RYR3: variants seen among roughly 807,000 people sequenced by gnomAD.
The protein encoded by RYR3 is ryanodine receptor 3.
In RYR3, 207 loss-of-function variants were observed where a neutral mutation model predicts 584.3. That is an observed-to-expected ratio of 0.35 (90% CI 0.32 to 0.40). The LOEUF (loss-of-function observed/expected upper bound fraction) is 0.40. Ranked by LOEUF, RYR3 falls within the 10% of genes least tolerant of loss-of-function variation. The pLI, the probability that RYR3 is intolerant of heterozygous loss-of-function variation, is 1.00. For synonymous variants in RYR3, 2,416 were observed against 2,248.5 expected (o/e 1.07, Z -2.11); for missense variants, 5,616 against 6,089.2 (o/e 0.92, Z 2.59).
chr15:33,710,191 T>TA (rs1181300092), intron 43 of RYR3, among the ~76,000 whole-genome samples: 1 of 152,156 alleles, frequency 6.6e-6, no homozygotes, highest in African/African-American at 2.4e-5. Context: ...GCAGGCTTTA[T>TA]AGGAAGCATG....
intron 75 of RYR3, 76 bp downstream of exon 75, chr15:33,817,034 C>T: frequency 1.2e-6 from 1 of 853,228 alleles, no homozygotes; most frequent in Non-Finnish European, 1.9e-6. Context: ...GTGGTTGTAA[C>T]AGTTAAACAT....
At chr15:33,377,322 A>T (rs949792065) in intron 1 of RYR3, among the ~76,000 whole-genome samples, 1 of 152,186 alleles carries the variant, frequency 6.6e-6, no homozygotes, top group Non-Finnish European at 1.5e-5. Flanking sequence ...GGCTGCTTCC[A>T]TCTGATATCT....
At position 33,577,242 on chromosome 15, in the gene RYR3, T is replaced by C. The variant is rs528971551; in HGVS notation, c.1269-2734T>C. Among the ~76,000 whole-genome samples the C allele has an allele frequency of 1.5e-4, 23 of 152,318 alleles. No individual in the cohort carries two copies. The South Asian group carries it at 4.8e-3, about 32-fold the overall frequency. On this transcript the variant is annotated intron_variant, in intron 12 of 103. Transcript: ENST00000634891. The stretch of plus-strand genomic sequence containing the variant: ...TATTCCCATTAAACTACCATTGACA[T>C]TCTTCACAGAATTAGAAAAAACTAC...
intron 20 of RYR3, among the ~76,000 whole-genome samples, chr15:33,624,981 G>C (rs574599342): frequency 6.6e-6 from 1 of 152,168 alleles, no homozygotes; most frequent in African/African-American, 2.4e-5. Flanking sequence ...TACCTCCTGT[G>C]GCTAATGACT....
chr15:33,564,993 G>A (rs575996925), intron 11 of RYR3, among the ~76,000 whole-genome samples: 1 of 152,192 alleles, frequency 6.6e-6, no homozygotes, highest in African/African-American at 2.4e-5. Context: ...AACCAATCGA[G>A]CACAAACAGA....
chr15:33,642,209 T>C (rs1382169604), intron 27 of RYR3, among the ~76,000 whole-genome samples: 1 of 152,206 alleles, frequency 6.6e-6, no homozygotes, highest in Non-Finnish European at 1.5e-5. Flanking sequence ...TTTTATGTCC[T>C]GAGGTCAAAT....
At chr15:33,552,059 T>A (rs1387691444) in intron 10 of RYR3, among the ~76,000 whole-genome samples, 1 of 152,214 alleles carries the variant, frequency 6.6e-6, no homozygotes, top group East Asian at 1.9e-4. Context: ...CCTTTCTCCT[T>A]GACCCACTCG....
chr15:33,336,484 GAGAAAGAA>G (rs1208071964), intron 1 of RYR3, among the ~76,000 whole-genome samples: 1 of 22,376 alleles, frequency 4.5e-5, no homozygotes, highest in Admixed American at 4.7e-4. Flanking sequence ...GAGAGAGAGA[GAGAAAGAA>G]AGAAAGAAAG....
chr15:33,583,361 A>C (rs1328350424), intron 14 of RYR3, among the ~76,000 whole-genome samples: 1 of 152,214 alleles, frequency 6.6e-6, no homozygotes, highest in East Asian at 1.9e-4. Flanking sequence ...AGATTAATAA[A>C]TCTGTAGCTA....
At chr15:33,393,210 A>G (rs1233813006) in intron 1 of RYR3, among the ~76,000 whole-genome samples, 3 of 152,248 alleles carry the variant, frequency 2.0e-5, no homozygotes, top group East Asian at 1.9e-4. Flanking sequence ...TAGAATCTAT[A>G]TAACAGCTGA....
At chr15:33,766,860 G>C (rs1189361650) in intron 60 of RYR3, among the ~76,000 whole-genome samples, 1 of 152,186 alleles carries the variant, frequency 6.6e-6, no homozygotes, top group African/African-American at 2.4e-5. Context: ...CTGAGATGGA[G>C]GAGAGGCACT....
chr15:33,532,459 G>A (rs117849022), intron 4 of RYR3, among the ~76,000 whole-genome samples: 1 of 152,098 alleles, frequency 6.6e-6, no homozygotes, highest in Non-Finnish European at 1.5e-5. Flanking sequence ...TCATTTTTGT[G>A]TAATTCCTTT....
chr15:33,663,101 T>C (rs2063265971), intron 35 of RYR3, among the ~76,000 whole-genome samples, 153 bp downstream of exon 35: 1 of 152,186 alleles, frequency 6.6e-6, no homozygotes. Flanking sequence ...GTGCTTGTTG[T>C]TGAATAAGTT....
intron 98 of RYR3, 145 bp from the exon 99 acceptor site, chr15:33,857,635 C>A: frequency 1.1e-5 from 10 of 942,398 alleles, no homozygotes; most frequent in Non-Finnish European, 1.6e-5. Context: ...GGCCTGATAG[C>A]TTTCTTAGCC....
At chr15:33,680,080 C>A (rs1473807998) in intron 38 of RYR3, among the ~76,000 whole-genome samples, 1 of 152,114 alleles carries the variant, frequency 6.6e-6, no homozygotes, top group Non-Finnish European at 1.5e-5. Flanking sequence ...AGGCAACTTC[C>A]TTAACCTCTG....
Position 33,725,202 on chromosome 15 carries a change from C to CACAT in RYR3, c.6912+1027_6912+1028insCATA, listed in dbSNP as rs1391087187. Reference sequence around the variant, plus strand: ...ACACACACACACACACACACACACACATATATACATCCCTTCTTAGGACCC... The same window carrying CACAT: ...ACACACACACACACACACACACACACACATATATATACATCCCTTCTTAGGACCC... On this transcript the variant is annotated intron_variant, in intron 45 of 103. Transcript: ENST00000634891. 2.6e-3 allele frequency among the ~76,000 whole-genome samples: 294 copies of CACAT among 110,970 alleles called. 1 individual carries two copies. Among genetic ancestry groups the CACAT allele is most frequent in the African/African-American group, 8.1e-3 (261 of 32,380 alleles). 72.8% of individuals were successfully genotyped at this position (110,970 alleles called of 152,430 possible).
intron 1 of RYR3, among the ~76,000 whole-genome samples, chr15:33,441,997 C>T (rs1274571046): frequency 1.3e-5 from 2 of 152,134 alleles, no homozygotes; most frequent in Non-Finnish European, 2.9e-5. Flanking sequence ...TAGGAATTTC[C>T]GAGTTTCATT....
At chr15:33,535,019 A>C (rs1225004446) in intron 5 of RYR3, among the ~76,000 whole-genome samples, 1 of 152,204 alleles carries the variant, frequency 6.6e-6, no homozygotes, top group Non-Finnish European at 1.5e-5. Flanking sequence ...CTAAATCTGG[A>C]GCCTCAGGCT....
At chr15:33,806,758 CTTT>C (rs10713428) in intron 69 of RYR3, among the ~76,000 whole-genome samples, 1 of 143,220 alleles carries the variant, frequency 7.0e-6, no homozygotes. Context: ...TTCTTTTTTC[CTTT>C]TTTTTTTTTT....
Sources: allele counts gnomAD v4.1 joint callset (sites outside exome capture counted in the v4.1 genomes callset), GRCh38; gene constraint gnomAD v4.1.1; transcripts MANE v1.5; gene names NCBI Gene and HGNC (gene_info 2026-07-23, HGNC 2026-07-21).